EML6: variants seen among roughly 807,000 people sequenced by gnomAD.
EML6 encodes the protein EMAP like 6.
In EML6, 154 loss-of-function variants were observed where a neutral mutation model predicts 240.1. The observed-to-expected ratio is 0.64, with a 90% CI of 0.56 to 0.73. The LOEUF is 0.73. Ranked by LOEUF, EML6 falls within the 30% of genes least tolerant of loss-of-function variation. The pLI, the probability that EML6 is intolerant of heterozygous loss-of-function variation, is 0.00. For synonymous variants in EML6, 1,148 were observed against 899.0 expected, an observed-to-expected ratio of 1.28 and a Z score of -4.95; for missense variants, 2,964 against 2,474.6, an observed-to-expected ratio of 1.20 and a Z score of -4.20.
chr2:54,833,233 T>G (rs1668967530), intron 7 of EML6, among the ~76,000 whole-genome samples: 1 of 152,234 alleles, frequency 6.6e-6, no homozygotes, highest in African/African-American at 2.4e-5. Flanking sequence ...GTGTGCCACC[T>G]GTAAAGACTT....
chr2:54,886,722 T>C (rs1169338641), intron 17 of EML6, among the ~76,000 whole-genome samples: 1 of 152,224 alleles, frequency 6.6e-6, no homozygotes, highest in Non-Finnish European at 1.5e-5. Context: ...GCTGACTGGG[T>C]ATATTTTCTT....
At position 54,724,954 on chromosome 2, in the gene EML6, A is replaced by G. The variant is rs1450116575; in HGVS notation, c.-108A>G. Reference sequence around the variant, plus strand: ...GTGCCTGTGTGTCGCCGCGGAAATCAGCGCCCTGCGCCGCGCGCTGAGCCC... The same window carrying G: ...GTGCCTGTGTGTCGCCGCGGAAATCGGCGCCCTGCGCCGCGCGCTGAGCCC... On this transcript the variant is annotated 5_prime_UTR_variant, in exon 2 of 42. Coordinates refer to ENST00000356458, the MANE Select transcript of EML6 (RefSeq NM_001039753.4). This position sits in a 1 kb window ranked among gnomAD's most constrained non-coding sequence, Gnocchi z 5.2. 23 of 921,786 alleles carry G rather than the reference A, an allele frequency of 2.5e-5. No individual in the cohort carries two copies. The highest frequency in any genetic ancestry group is 2.5e-5 in the Non-Finnish European group (18 of 709,072). 57.1% of individuals were successfully genotyped at this position (921,786 alleles called of 1,614,324 possible). A position where few individuals can be genotyped will look rare whatever the true frequency, so the allele number is the denominator to read the frequency against.
chr2:54,930,901 C>T (rs961801504), intron 28 of EML6, among the ~76,000 whole-genome samples: 2 of 151,200 alleles, frequency 1.3e-5, no homozygotes, highest in African/African-American at 4.9e-5. Flanking sequence ...TCCACCAGTC[C>T]TGGTCAGTAA....
chr2:54,841,740 G>A (rs1669469117), intron 7 of EML6, among the ~76,000 whole-genome samples: 2 of 151,964 alleles, frequency 1.3e-5, no homozygotes, highest in African/African-American at 2.4e-5. Context: ...ATACAGGTGC[G>A]TGCTACCATG....
At chr2:54,825,101 G>C (rs1393618074) in intron 5 of EML6, among the ~76,000 whole-genome samples, 2 of 152,142 alleles carry the variant, frequency 1.3e-5, no homozygotes, top group African/African-American at 4.8e-5. Context: ...GAAGATAATG[G>C]GTTCTATTTT....
chr2:54,928,913 T>A (rs991617265), intron 28 of EML6, among the ~76,000 whole-genome samples, 162 bp downstream of exon 28: 3 of 152,156 alleles, frequency 2.0e-5, no homozygotes, highest in Admixed American at 6.5e-5. Context: ...TGAGAAAAAA[T>A]TGCACAACAT....
At chr2:54,791,797 T>C (rs1558551701) in intron 2 of EML6, among the ~76,000 whole-genome samples, 2 of 152,192 alleles carry the variant, frequency 1.3e-5, no homozygotes, top group African/African-American at 2.4e-5. Context: ...CCCTGGATTA[T>C]ACTACAAAGT....
intron 2 of EML6, among the ~76,000 whole-genome samples, chr2:54,728,006 G>C (rs780795592): frequency 4.6e-5 from 7 of 152,180 alleles, no homozygotes; most frequent in Admixed American, 2.0e-4. Flanking sequence ...GATTTTTAAA[G>C]ATGTTGCTAT....
chr2:54,757,715 GC>G (rs35222322), intron 2 of EML6, among the ~76,000 whole-genome samples: 120 of 152,128 alleles, frequency 7.9e-4, no homozygotes, highest in Non-Finnish European at 1.5e-3. Context: ...CTCCACTCCA[GC>G]CTTCAGGATA....
At position 54,866,812 on chromosome 2, in the gene EML6, A is replaced by G; in HGVS notation, c.1979A>G (p.Lys660Arg). The G allele has an allele frequency of 6.4e-7, 1 of 1,551,286 alleles. No individual in the cohort carries two copies. The highest frequency in any genetic ancestry group is 1.2e-5 in the South Asian group (1 of 84,038). ...CAGCTAAAGCAACAAAGTAAAGAGA[A>G]AAACCACGCAGTGCCCTTCCTCAAA... ...LPQLKQQSKEKNHAVPFLKRE... is the reference protein window; with the variant it reads ...LPQLKQQSKERNHAVPFLKRE... The change falls in exon 14 of 42, where the codon AAA becomes AGA. Residue 660 changes from lysine (K) to arginine (R), a missense_variant. By Grantham distance (26) the Lys-to-Arg change is conservative (BLOSUM62 2). Coordinates refer to ENST00000356458, the MANE Select transcript of EML6 (RefSeq NM_001039753.4).
At chr2:54,817,570 C>T (rs1045934368) in intron 4 of EML6, among the ~76,000 whole-genome samples, 1 of 152,148 alleles carries the variant, frequency 6.6e-6, no homozygotes, top group Non-Finnish European at 1.5e-5. Context: ...CATTTCCAGT[C>T]TTTTGGCTTC....
chr2:54,760,160 T>A (rs947209608), intron 2 of EML6, among the ~76,000 whole-genome samples: 2 of 151,880 alleles, frequency 1.3e-5, no homozygotes, highest in Admixed American at 6.6e-5. Flanking sequence ...TTTTTAATCA[T>A]TGAAAATTAA....
At position 54,853,624 on chromosome 2, in the gene EML6, T is replaced by A. The variant is rs1443367435; in HGVS notation, c.1445-19T>A. 7.0e-7 allele frequency: 1 copy of A among 1,420,506 alleles called. No homozygotes were observed. The highest frequency in any genetic ancestry group is 1.4e-5 in the South Asian group (1 of 73,066). 88.0% of individuals were successfully genotyped at this position (1,420,506 alleles called of 1,614,324 possible). On this transcript the variant is annotated intron_variant, in intron 10 of 41. Coordinates refer to ENST00000356458, the MANE Select transcript of EML6 (RefSeq NM_001039753.4). ...TAAACTTTTTATTTAAATGTAATGT[T>A]AATATTGATTATTTTCAGCTGGGAA...
intron 29 of EML6, among the ~76,000 whole-genome samples, 159 bp downstream of exon 29, chr2:54,949,119 C>T (rs958094566): frequency 2.0e-5 from 3 of 152,116 alleles, no homozygotes; most frequent in African/African-American, 7.2e-5. Context: ...CTGTGTCTTC[C>T]ATCCCAGGGA....
At chr2:54,773,924 C>T (rs1029579689) in intron 2 of EML6, among the ~76,000 whole-genome samples, 1 of 152,208 alleles carries the variant, frequency 6.6e-6, no homozygotes, top group Admixed American at 6.5e-5. Flanking sequence ...ACCATCAATT[C>T]GATTTGATGA....
intron 33 of EML6, among the ~76,000 whole-genome samples, chr2:54,958,657 C>T (rs1676348945): frequency 6.6e-6 from 1 of 152,180 alleles, no homozygotes; most frequent in South Asian, 2.1e-4. Context: ...TCTTGTGCCA[C>T]AGATGCCCCC....
intron 25 of EML6, among the ~76,000 whole-genome samples, chr2:54,911,731 C>G (rs542424154): frequency 6.6e-6 from 1 of 152,338 alleles, no homozygotes; most frequent in South Asian, 2.1e-4. Context: ...GCCACCGTGT[C>G]CAGCCTGGAA....
chr2:54,844,577 T>C (rs1669647783), intron 8 of EML6, among the ~76,000 whole-genome samples: 1 of 152,258 alleles, frequency 6.6e-6, no homozygotes, highest in Admixed American at 6.5e-5. Context: ...GCCCTTGGTC[T>C]TCTGCAGGGG....
At chr2:54,855,292 A>G (rs1300443772) in intron 11 of EML6, among the ~76,000 whole-genome samples, 2 of 152,114 alleles carry the variant, frequency 1.3e-5, no homozygotes, top group African/African-American at 4.8e-5. Context: ...GGGAGAAGGT[A>G]CGTCACAAAG....
Sources: gnomAD v4.1 joint callset for allele counts (sites outside exome capture counted in the v4.1 genomes callset) on GRCh38, gnomAD v4.1.1 for gene constraint, Gnocchi (gnomAD v3.1) non-coding constraint, MANE v1.5 for transcripts, NCBI Gene and HGNC (gene_info 2026-07-23, HGNC 2026-07-21) for gene names.